XYLT1: variants seen among roughly 807,000 people sequenced by gnomAD.
XYLT1 encodes the protein xylosyltransferase 1.
In XYLT1, 36 loss-of-function variants were observed where a neutral mutation model predicts 91.3. The ratio of observed to expected loss-of-function variants is 0.39; its 90% CI spans 0.30 to 0.52. XYLT1 has a LOEUF of 0.52. XYLT1 is among the 20% of genes least tolerant of loss of function. The pLI, the probability that XYLT1 is intolerant of heterozygous loss-of-function variation, is 0.68. For synonymous variants in XYLT1, 588 were observed against 532.0 expected (o/e 1.11, Z -1.45); for missense variants, 1,242 against 1,284.5 (o/e 0.97, Z 0.51).
intron 1 of XYLT1, among the ~76,000 whole-genome samples, chr16:17,360,645 G>A (rs1006529606): frequency 2.0e-5 from 3 of 152,216 alleles, no homozygotes; most frequent in African/African-American, 7.2e-5. Context: ...TCCCTAAAGA[G>A]CCTCAGTCCA....
intron 10 of XYLT1, among the ~76,000 whole-genome samples, chr16:17,124,215 A>G (rs772079580): frequency 2.0e-5 from 3 of 152,218 alleles, no homozygotes; most frequent in Non-Finnish European, 4.4e-5. Context: ...GTTGTTTTGC[A>G]GGACCTGTGA....
intron 1 of XYLT1, among the ~76,000 whole-genome samples, chr16:17,421,341 G>A (rs902161102): frequency 6.6e-6 from 1 of 152,164 alleles, no homozygotes; most frequent in Non-Finnish European, 1.5e-5. Context: ...TATCCCATAT[G>A]CTCTTCTGCA....
intron 1 of XYLT1, among the ~76,000 whole-genome samples, chr16:17,397,427 A>G (rs1348193550): frequency 6.6e-6 from 1 of 151,876 alleles, no homozygotes; most frequent in Non-Finnish European, 1.5e-5. Context: ...ATCATAATAA[A>G]CCGCCTTTCC....
chr16:17,260,214 C>G (rs2033702830), intron 2 of XYLT1, among the ~76,000 whole-genome samples: 1 of 152,088 alleles, frequency 6.6e-6, no homozygotes, highest in South Asian at 2.1e-4. Flanking sequence ...TTCTGGAGAC[C>G]ACGCATGGCA....
chr16:17,355,688 C>G lies in XYLT1; in HGVS notation c.402+2324G>C, dbSNP rs115926107. ...ATTGCTTGAGACAGTGTTTCTCAAT[C>G]TCAACACCATTAGTATTTAGGGCTG... On this transcript the variant is annotated intron_variant, in intron 2 of 11. Coordinates refer to ENST00000261381, the MANE Select transcript of XYLT1 (RefSeq NM_022166.4). Among the ~76,000 whole-genome samples, 1,027 of 152,246 alleles carry G rather than the reference C, an allele frequency of 6.7e-3. 8 individuals carry two copies. Among genetic ancestry groups the G allele is most frequent in the African/African-American group, 0.023 (958 of 41,530 alleles).
intron 3 of XYLT1, among the ~76,000 whole-genome samples, chr16:17,257,658 T>C (rs1181277652): frequency 6.6e-6 from 1 of 152,114 alleles, no homozygotes; most frequent in Admixed American, 6.5e-5. Flanking sequence ...ACATTGGGGT[T>C]CTCTCTACTC....
intron 5 of XYLT1, among the ~76,000 whole-genome samples, chr16:17,165,695 AAAAC>A (rs902564552): frequency 1.2e-4 from 18 of 152,218 alleles, no homozygotes; most frequent in South Asian, 2.1e-4. Flanking sequence ...TCTGCCTCAA[AAAAC>A]AAACAAACAA....
At chr16:17,183,316 C>T (rs923521397) in intron 5 of XYLT1, among the ~76,000 whole-genome samples, 5 of 152,172 alleles carry the variant, frequency 3.3e-5, no homozygotes, top group African/African-American at 9.7e-5. Flanking sequence ...TCTCTTGATA[C>T]GTGGACAACT....
At chr16:17,135,168 CTT>C (rs901998167) in intron 8 of XYLT1, among the ~76,000 whole-genome samples, 1 of 152,140 alleles carries the variant, frequency 6.6e-6, no homozygotes, top group Non-Finnish European at 1.5e-5. Context: ...TTTGGCTTCT[CTT>C]TAAACAGCAA....
At chr16:17,405,348 G>A (rs1209549384) in intron 1 of XYLT1, among the ~76,000 whole-genome samples, 1 of 152,226 alleles carries the variant, frequency 6.6e-6, no homozygotes, top group Non-Finnish European at 1.5e-5. Flanking sequence ...CCAGTGGAGG[G>A]AGAAGGCCTT....
chr16:17,204,641 A>G (rs2032607171), intron 3 of XYLT1, among the ~76,000 whole-genome samples: 1 of 152,176 alleles, frequency 6.6e-6, no homozygotes, highest in Non-Finnish European at 1.5e-5. Flanking sequence ...TCTGTGCATG[A>G]TTTTATTCAT....
At chr16:17,282,886 C>A (rs1005280063) in intron 2 of XYLT1, among the ~76,000 whole-genome samples, 1 of 152,130 alleles carries the variant, frequency 6.6e-6, no homozygotes, top group African/African-American at 2.4e-5. Context: ...TTCATCCTTG[C>A]AAGGATCCTT....
At chr16:17,254,177 G>A (rs975617666) in intron 3 of XYLT1, among the ~76,000 whole-genome samples, 6 of 152,136 alleles carry the variant, frequency 3.9e-5, no homozygotes, top group Admixed American at 2.6e-4. Context: ...TGAACCACAC[G>A]GGTCCATTTA....
chr16:17,375,897 A>G lies in XYLT1; in HGVS notation c.364-17847T>C, dbSNP rs138495628. 2.6e-5 allele frequency among the ~76,000 whole-genome samples: 4 copies of G among 152,360 alleles called. No individual in the cohort carries two copies. In the East Asian group the frequency reaches 7.7e-4, roughly 29 times the overall value. On this transcript the variant is annotated intron_variant, in intron 1 of 11. Coordinates refer to ENST00000261381, the MANE Select transcript of XYLT1 (RefSeq NM_022166.4). ...AACGGCTGGAGCCACTGGTGTCCCT[A>G]CGATGTATGTGCAGGGGGAGGTGGC... is the stretch of plus-strand genomic sequence containing the variant.
chr16:17,291,096 G>C (rs2034217585), intron 2 of XYLT1, among the ~76,000 whole-genome samples: 1 of 152,120 alleles, frequency 6.6e-6, no homozygotes, highest in Non-Finnish European at 1.5e-5. Flanking sequence ...CACCACACCT[G>C]GTTAACTTTT....
chr16:17,441,007 G>A (rs941714877), intron 1 of XYLT1, among the ~76,000 whole-genome samples: 5 of 152,020 alleles, frequency 3.3e-5, no homozygotes, highest in Admixed American at 6.5e-5. Context: ...ATATAGTTAA[G>A]GACTCAGAGT....
intron 5 of XYLT1, among the ~76,000 whole-genome samples, chr16:17,192,125 T>A (rs975335453): frequency 3.4e-5 from 5 of 145,368 alleles, no homozygotes; most frequent in African/African-American, 1.0e-4. Context: ...TTAGATGGAG[T>A]TTCACTCCTG....
chr16:17,111,436 C>T (rs1249031794), intron 11 of XYLT1, among the ~76,000 whole-genome samples: 6 of 152,090 alleles, frequency 3.9e-5, no homozygotes, highest in Admixed American at 2.0e-4. Context: ...TGGTGAGTTG[C>T]GCTTTACCAA....
At chr16:17,317,039 G>C (rs2034645686) in intron 2 of XYLT1, among the ~76,000 whole-genome samples, 2 of 150,152 alleles carry the variant, frequency 1.3e-5, no homozygotes, top group South Asian at 4.2e-4. Flanking sequence ...AGCCAGGATG[G>C]TCTCGATCTC....
Sources: gnomAD v4.1 joint callset for allele counts (sites outside exome capture counted in the v4.1 genomes callset) on GRCh38, gnomAD v4.1.1 for gene constraint, MANE v1.5 for transcripts, NCBI Gene and HGNC (gene_info 2026-07-23, HGNC 2026-07-21) for gene names.